PHACTR1: variants seen among roughly 807,000 people sequenced by gnomAD.
The protein encoded by PHACTR1 is RPEL repeat containing 1.
Under a neutral mutation model 69.2 loss-of-function variants are expected in PHACTR1, and 16 were observed. The ratio of observed to expected loss-of-function variants is 0.23; its 90% CI spans 0.16 to 0.35. The LOEUF is 0.35. PHACTR1 is among the 10% of genes least tolerant of loss of function. The pLI, the probability that PHACTR1 is intolerant of heterozygous loss-of-function variation, is 1.00. For synonymous variants in PHACTR1, 312 were observed against 284.5 expected (o/e 1.10, Z -0.97); for missense variants, 510 against 734.7 (o/e 0.69, Z 3.54).
chr6:12,727,644 G>A (rs904974778), intron 3 of PHACTR1, among the ~76,000 whole-genome samples: 10 of 152,110 alleles, frequency 6.6e-5, no homozygotes, highest in African/African-American at 9.7e-5. Flanking sequence ...CTCACCCAGC[G>A]CCAGCCATGA....
rs982902744 is a variant in PHACTR1 at position 12,718,687 on chromosome 6, T to C, written c.-46-12T>C. 1.4e-5 allele frequency: 12 copies of C among 841,754 alleles called. No homozygotes were observed. Among genetic ancestry groups the C allele is most frequent in the South Asian group, 1.3e-4 (6 of 46,900 alleles). 52.1% of individuals were successfully genotyped at this position (841,754 alleles called of 1,614,324 possible). Reference sequence around the variant, plus strand: ...GTCTAAAATATTGTGGATTTTTTTTTCCTCTTTATAGGTGTTCCAGTGTTT... The same window carrying C: ...GTCTAAAATATTGTGGATTTTTTTTCCCTCTTTATAGGTGTTCCAGTGTTT... On this transcript the variant is annotated splice_polypyrimidine_tract_variant and intron_variant, in intron 2 of 14. Coordinates refer to ENST00000332995, the MANE Select transcript of PHACTR1 (RefSeq NM_030948.6).
At chr6:13,027,202 A>G (rs1801817133) in intron 4 of PHACTR1, among the ~76,000 whole-genome samples, 2 of 152,124 alleles carry the variant, frequency 1.3e-5, no homozygotes, top group South Asian at 4.2e-4. Context: ...ATGCTCTCTT[A>G]CTTTGCTTGC....
intron 4 of PHACTR1, among the ~76,000 whole-genome samples, chr6:12,831,622 C>G (rs987524653): frequency 6.6e-6 from 1 of 152,084 alleles, no homozygotes; most frequent in Non-Finnish European, 1.5e-5. Context: ...GAGGCCTTGG[C>G]CTGTCTGAAA....
chr6:13,201,678 G>A lies in PHACTR1; in HGVS notation c.665-4137G>A, dbSNP rs118188286. On this transcript the variant is annotated intron_variant, in intron 7 of 14. Coordinates refer to ENST00000332995, the MANE Select transcript of PHACTR1 (RefSeq NM_030948.6). ...ACAGAAGTCTGAGTGGGAAAAGGGA[G>A]ATTAAAAGCTTAGATGGAAGTTCAG... is the stretch of plus-strand genomic sequence containing the variant. 4.3e-4 allele frequency among the ~76,000 whole-genome samples: 66 copies of A among 152,358 alleles called. 1 individual carries two copies. In the East Asian group the frequency reaches 9.8e-3, roughly 23 times the overall value.
chr6:13,278,038 A>G, intron 11 of PHACTR1: 1 of 359,570 alleles, frequency 2.8e-6, no homozygotes, highest in Admixed American at 4.4e-5. Context: ...CATGTGATGT[A>G]AAGAAGGCAA....
chr6:12,919,374 C>T (rs778529984), intron 4 of PHACTR1, among the ~76,000 whole-genome samples: 9 of 152,140 alleles, frequency 5.9e-5, no homozygotes, highest in African/African-American at 1.4e-4. Flanking sequence ...AACTCCTGAT[C>T]GCGTGATCTG....
chr6:13,128,006 AAGG>A (rs1384128959), intron 5 of PHACTR1, among the ~76,000 whole-genome samples: 1 of 151,370 alleles, frequency 6.6e-6, no homozygotes, highest in Non-Finnish European at 1.5e-5. Flanking sequence ...TGGCGGCCGG[AAGG>A]AGAAGTATGA....
At chr6:13,094,489 G>A (rs549380281) in intron 5 of PHACTR1, among the ~76,000 whole-genome samples, 1 of 151,450 alleles carries the variant, frequency 6.6e-6, no homozygotes, top group South Asian at 2.1e-4. Context: ...GAGAGGGGGG[G>A]TTTCACCATA....
At chr6:12,755,156 A>AG (rs1767158672) in intron 4 of PHACTR1, among the ~76,000 whole-genome samples, 1 of 152,178 alleles carries the variant, frequency 6.6e-6, no homozygotes, top group Non-Finnish European at 1.5e-5. Context: ...GGTATTTACA[A>AG]TTACCTTATG....
At chr6:13,103,420 T>C (rs1042391784) in intron 5 of PHACTR1, among the ~76,000 whole-genome samples, 11 of 152,254 alleles carry the variant, frequency 7.2e-5, no homozygotes, top group Non-Finnish European at 1.5e-5. Context: ...CTGTAGTGTT[T>C]GCATGGTGAT....
At position 13,179,751 on chromosome 6, in the gene PHACTR1, G is replaced by C. The variant is rs558697466; in HGVS notation, c.497-2768G>C. Among the ~76,000 whole-genome samples the C allele has an allele frequency of 6.0e-5, 9 of 149,724 alleles. No individual in the cohort carries two copies. The highest frequency in any genetic ancestry group is 2.0e-4 in the African/African-American group (8 of 39,722). On this transcript the variant is annotated intron_variant, in intron 6 of 14. Coordinates refer to ENST00000332995, the MANE Select transcript of PHACTR1 (RefSeq NM_030948.6). The surrounding 1 kb of genome is among the most constrained non-coding windows in gnomAD (Gnocchi z 4.2). ...AGATAGATAGATAGATAGATAGACA[G>C]AACAAGGTTATCAATATTAATGTTG...
chr6:12,875,140 T>A (rs1782404502), intron 4 of PHACTR1, among the ~76,000 whole-genome samples: 1 of 152,206 alleles, frequency 6.6e-6, no homozygotes, highest in Admixed American at 6.5e-5. Context: ...TTACATGAAT[T>A]AACACCAAAT....
intron 4 of PHACTR1, among the ~76,000 whole-genome samples, chr6:12,855,986 T>G (rs894105938): frequency 2.0e-5 from 3 of 152,188 alleles, no homozygotes; most frequent in African/African-American, 7.2e-5. Context: ...GCATGTAAAC[T>G]TTAAAGTTAA....
intron 5 of PHACTR1, among the ~76,000 whole-genome samples, chr6:13,153,530 A>T (rs375260643): frequency 6.6e-6 from 1 of 152,086 alleles, no homozygotes; most frequent in African/African-American, 2.4e-5. Flanking sequence ...GGCTTCTCAT[A>T]TGTTGGTTTT....
At chr6:12,920,311 A>G (rs1445136919) in intron 4 of PHACTR1, among the ~76,000 whole-genome samples, 1 of 152,246 alleles carries the variant, frequency 6.6e-6, no homozygotes, top group African/African-American at 2.4e-5. Context: ...GAAAATTTCC[A>G]ATAAATTGTA....
intron 4 of PHACTR1, among the ~76,000 whole-genome samples, chr6:13,041,335 TACATACACACACACAC>T (rs1483889680): frequency 2.6e-5 from 1 of 38,662 alleles, no homozygotes; most frequent in Non-Finnish European, 5.4e-5. Flanking sequence ...GTAATTAAAA[TACATACACACACACAC>T]ACACACACAC....
intron 4 of PHACTR1, among the ~76,000 whole-genome samples, chr6:12,889,700 G>C (rs904394083): frequency 1.3e-5 from 2 of 151,614 alleles, no homozygotes; most frequent in East Asian, 3.9e-4. Context: ...AATTTGATTA[G>C]AGCAAAAATC....
chr6:13,211,702 T>C (rs1181148243), intron 8 of PHACTR1, among the ~76,000 whole-genome samples: 3 of 152,178 alleles, frequency 2.0e-5, no homozygotes, highest in Non-Finnish European at 4.4e-5. Context: ...GTCCACACTG[T>C]ACATACACAG....
At chr6:13,051,092 C>T (rs1253078301) in intron 4 of PHACTR1, among the ~76,000 whole-genome samples, 1 of 152,168 alleles carries the variant, frequency 6.6e-6, no homozygotes, top group African/African-American at 2.4e-5. Context: ...GCATCCTGAT[C>T]ACGTACCTTC....
Sources: gnomAD v4.1 joint callset for allele counts (sites outside exome capture counted in the v4.1 genomes callset) on GRCh38, gnomAD v4.1.1 for gene constraint, Gnocchi (gnomAD v3.1) non-coding constraint, MANE v1.5 for transcripts, NCBI Gene and HGNC (gene_info 2026-07-23, HGNC 2026-07-21) for gene names.